Variants in MYO16 observed in about 807,000 individuals in gnomAD.
The protein encoded by MYO16 is myosin XVI, also known as unconventional myosin-XVI.
MYO16 carries 94 observed loss-of-function variants against 205.3 expected under a neutral mutation model. The ratio of observed to expected loss-of-function variants is 0.46; its 90% CI spans 0.39 to 0.54. The LOEUF is 0.54. Ranked by LOEUF, MYO16 falls within the 20% of genes least tolerant of loss-of-function variation. The probability of loss-of-function intolerance (pLI) is 0.00; values close to 1 mark genes in which losing one functional copy is unlikely to be tolerated. For synonymous variants in MYO16, 988 were observed against 954.0 expected, an observed-to-expected ratio of 1.04 and a Z score of -0.66; for missense variants, 2,315 against 2,387.5, an observed-to-expected ratio of 0.97 and a Z score of 0.63.
At chr13:109,023,266 GATATAAATATATATATTTATATATT>G (rs1886166799) in intron 23 of MYO16, among the ~76,000 whole-genome samples, 3 of 78,440 alleles carry the variant, frequency 3.8e-5, no homozygotes, top group Non-Finnish European at 6.5e-5. Flanking sequence ...ATATTATACA[GATATAAATATATATATTTATATATT>G]ATACAGATAT....
upstream of MYO16, chr13:108,629,263 A>G (rs1390569277): frequency 6.6e-6 from 1 of 152,254 alleles, no homozygotes; most frequent in Admixed American, 6.5e-5. Flanking sequence ...GGCTATTTTA[A>G]GCTCCTGCTA....
chr13:108,632,236 G>A (rs543469268), intron 1 of MYO16, among the ~76,000 whole-genome samples: 1 of 152,000 alleles, frequency 6.6e-6, no homozygotes, highest in East Asian at 1.9e-4. Flanking sequence ...GAGGTTCATC[G>A]GCCTTCGTCA....
At chr13:108,877,787 A>G (rs1229063733) in intron 12 of MYO16, among the ~76,000 whole-genome samples, 2 of 152,058 alleles carry the variant, frequency 1.3e-5, no homozygotes, top group East Asian at 3.9e-4. Flanking sequence ...GTCTTTGCTT[A>G]TTTTCTATTA....
chr13:108,872,452 T>C (rs1176592385), intron 12 of MYO16, among the ~76,000 whole-genome samples: 1 of 152,080 alleles, frequency 6.6e-6, no homozygotes, highest in African/African-American at 2.4e-5. Context: ...GGGCTTCAGA[T>C]AATACGTTGT....
intron 10 of MYO16, among the ~76,000 whole-genome samples, chr13:108,852,378 T>G (rs1386697302): frequency 6.6e-6 from 1 of 152,208 alleles, no homozygotes; most frequent in Non-Finnish European, 1.5e-5. Context: ...CCACTGGAAT[T>G]CCGCCTGTTC....
intron 7 of MYO16, among the ~76,000 whole-genome samples, chr13:108,814,542 G>T (rs1236985389): frequency 1.3e-5 from 2 of 151,972 alleles, no homozygotes; most frequent in East Asian, 3.9e-4. Flanking sequence ...TTAATGTCCT[G>T]GGAACCTACA....
At chr13:109,090,982 T>C (rs1270238381) in intron 27 of MYO16, among the ~76,000 whole-genome samples, 2 of 152,204 alleles carry the variant, frequency 1.3e-5, no homozygotes, top group Admixed American at 1.3e-4. Context: ...GTCAGTCTTG[T>C]TGCTAGGCAG....
intron 2 of MYO16, among the ~76,000 whole-genome samples, chr13:108,666,675 C>A (rs552603831): frequency 2.5e-4 from 38 of 152,194 alleles, no homozygotes; most frequent in African/African-American, 8.7e-4. Flanking sequence ...ATAGATGCAG[C>A]AGTAATGTCA....
At chr13:108,958,014 A>G (rs1185900521) in intron 17 of MYO16, among the ~76,000 whole-genome samples, 1 of 151,960 alleles carries the variant, frequency 6.6e-6, no homozygotes, top group Non-Finnish European at 1.5e-5. Flanking sequence ...TTGAGGAAGA[A>G]AGGAACTAGG....
intron 16 of MYO16, among the ~76,000 whole-genome samples, chr13:108,917,625 C>T (rs892788732): frequency 1.6e-4 from 25 of 152,122 alleles, no homozygotes; most frequent in African/African-American, 5.8e-4. Flanking sequence ...GACTTTGATT[C>T]GTATGGATGT....
rs561425786 is a variant in MYO16, at chr13:109,165,510, G to A, written c.5323+451G>A. Among the ~76,000 whole-genome samples the A allele has an allele frequency of 4.6e-5, 7 of 152,322 alleles. No individual in the cohort carries two copies. In the South Asian group the frequency reaches 1.5e-3, roughly 32 times the overall value. On this transcript the variant is annotated intron_variant, in intron 33 of 34. Coordinates refer to ENST00000457511, the MANE Select transcript of MYO16 (RefSeq NM_001198950.3). ...CTTGATTGCAGGTACAAAAGCTGAG[G>A]ATCACGCAAGTATTTTCTCTCACAA...
Position 108,665,908 on chromosome 13 carries a change from T to G in MYO16, c.51T>G (p.Val17=). The G allele has an allele frequency of 6.2e-7, 1 of 1,613,964 alleles. No homozygotes were observed. Among genetic ancestry groups the G allele is most frequent in the Non-Finnish European group, 8.5e-7 (1 of 1,179,896 alleles). Residue 17 remains valine (V), a synonymous_variant, in exon 2 of 35, where the codon GTT becomes GTG. Transcript: ENST00000457511. ...IKCCCFQLCN[V]FRSHEMEIDQ... ...CAGGTTGCTTTCAGCTATGTAACGT[T>G]TTTCGATCCCATGAGATGGAAATCG...
intron 1 of MYO16, among the ~76,000 whole-genome samples, chr13:108,638,952 G>T (rs1401300906): frequency 6.6e-6 from 1 of 152,130 alleles, no homozygotes; most frequent in Non-Finnish European, 1.5e-5. Flanking sequence ...CCCAGGGAGG[G>T]AAGAAGGCCT....
At chr13:109,079,327 A>G (rs1888210527) in intron 27 of MYO16, among the ~76,000 whole-genome samples, 1 of 151,660 alleles carries the variant, frequency 6.6e-6, no homozygotes, top group Non-Finnish European at 1.5e-5. Context: ...TTGCTCCATC[A>G]TGGCTGCAAG....
the MYO16 span, among the ~76,000 whole-genome samples, chr13:108,534,661 T>G: frequency 6.6e-6 from 1 of 152,064 alleles, no homozygotes; most frequent in African/African-American, 2.4e-5. Context: ...CTGCTCTTCA[T>G]TGGCTCATTT....
chr13:108,499,541 T>G, the MYO16 span, among the ~76,000 whole-genome samples: 1 of 152,202 alleles, frequency 6.6e-6, no homozygotes, highest in East Asian at 1.9e-4. Flanking sequence ...CTAGAGCCAC[T>G]TCTCTTTCCC....
At chr13:108,624,785 G>C (rs1405799426), upstream of MYO16, among the ~76,000 whole-genome samples, 1 of 22,022 alleles carries the variant, frequency 4.5e-5, no homozygotes, top group Non-Finnish European at 1.2e-4. Context: ...TATAGCCTGA[G>C]TGTGTGTGTG....
intron 4 of MYO16, among the ~76,000 whole-genome samples, chr13:108,733,048 C>T (rs972662739): frequency 9.9e-5 from 15 of 152,138 alleles, no homozygotes; most frequent in Admixed American, 3.3e-4. Flanking sequence ...ATTCAAGCCA[C>T]ATTTTTCAAG....
intron 4 of MYO16, among the ~76,000 whole-genome samples, chr13:108,740,813 C>G (rs982186980): frequency 1.3e-5 from 2 of 151,980 alleles, no homozygotes; most frequent in Non-Finnish European, 2.9e-5. Context: ...ATTTGTTTAC[C>G]TACTCAAGCC....
Sources: gnomAD v4.1 joint callset for allele counts (sites outside exome capture counted in the v4.1 genomes callset) on GRCh38, gnomAD v4.1.1 for gene constraint, MANE v1.5 for transcripts, NCBI Gene and HGNC (gene_info 2026-07-23, HGNC 2026-07-21) for gene names.